Variants in HPN observed in about 807,000 individuals in gnomAD.
The protein encoded by HPN is serine protease hepsin.
A neutral mutation model predicts 55.9 loss-of-function variants in HPN; 13 were observed. The ratio of observed to expected loss-of-function variants is 0.23; its 90% CI spans 0.15 to 0.37. The LOEUF (loss-of-function observed/expected upper bound fraction) is 0.37. Ranked by LOEUF, HPN falls within the 10% of genes least tolerant of loss-of-function variation. The probability of loss-of-function intolerance (pLI) is 1.00; values close to 1 mark genes in which losing one functional copy is unlikely to be tolerated. For missense variants in HPN, 451 were observed against 575.8 expected, an observed-to-expected ratio of 0.78 and a Z score of 2.22; for synonymous variants, 225 against 240.3, an observed-to-expected ratio of 0.94 and a Z score of 0.59.
chr19:35,054,651 C>T (rs1328925663), intron 4 of HPN, among the ~76,000 whole-genome samples: 6 of 152,150 alleles, frequency 3.9e-5, no homozygotes, highest in African/African-American at 1.4e-4. Context: ...GACCTGATTT[C>T]GAATCCTCTC....
chr19:35,057,276 A>G lies in HPN; in HGVS notation c.161-2397A>G, dbSNP rs146846219. On this transcript the variant is annotated intron_variant, in intron 4 of 12. Coordinates refer to ENST00000672452, the MANE Select transcript of HPN (RefSeq NM_001384133.1). The stretch of plus-strand genomic sequence containing the variant: ...CCCGTGTCTACTAAAAATACAAAAA[A>G]TTAGCCAAGTGTGGTGGCATGTGTC... Among the ~76,000 whole-genome samples the G allele has an allele frequency of 4.6e-3, 694 of 152,158 alleles. 27 individuals are homozygous for G. In the South Asian group the frequency reaches 0.11, roughly 24 times the overall value.
chr19:35,046,471 C>CT (rs2064343416), intron 2 of HPN, among the ~76,000 whole-genome samples: 1 of 152,138 alleles, frequency 6.6e-6, no homozygotes, highest in Admixed American at 6.5e-5. Context: ...TCTTGAGCTC[C>CT]TGACCTCAAG....
chr19:35,052,934 C>A lies in HPN; in HGVS notation c.160+3418C>A, dbSNP rs182182835. The stretch of plus-strand genomic sequence containing the variant: ...CCCGGCTCTGGCCAGCACCACGCCG[C>A]CACCCTGCAGAGGTATTTGGGTTTT... On this transcript the variant is annotated intron_variant, in intron 4 of 12. Coordinates refer to ENST00000672452, the MANE Select transcript of HPN (RefSeq NM_001384133.1). Among the ~76,000 whole-genome samples the A allele has an allele frequency of 1.9e-3, 283 of 152,312 alleles. 1 individual carries two copies. The highest frequency in any genetic ancestry group is 5.6e-3 in the African/African-American group (232 of 41,564).
Position 35,060,626 on chromosome 19 carries a change from G to A in HPN, c.621-1G>A. On this transcript the variant is annotated splice_acceptor_variant, in intron 8 of 12. Transcript: ENST00000672452. LOFTEE classifies it high-confidence loss of function. ...CCACCCTCCACCCCTTTCCCTGGTA[G>A]GCGGAACCGGGTCCTGTCCCGATGG... 1 of 1,613,736 alleles carries A rather than the reference G, an allele frequency of 6.2e-7. No homozygotes were observed. The highest frequency in any genetic ancestry group is 8.5e-7 in the Non-Finnish European group (1 of 1,180,038).
chr19:35,043,427 G>A (rs1304156620), intron 2 of HPN, among the ~76,000 whole-genome samples: 1 of 152,190 alleles, frequency 6.6e-6, no homozygotes, highest in Admixed American at 6.5e-5. Flanking sequence ...AACCAGGATA[G>A]CCGGGCTCAG....
At chr19:35,052,216 A>G (rs1488212762) in intron 4 of HPN, among the ~76,000 whole-genome samples, 1 of 152,140 alleles carries the variant, frequency 6.6e-6, no homozygotes, top group African/African-American at 2.4e-5. Context: ...CAGTGGGAAT[A>G]AGAGGAGATA....
chr19:35,041,532 C>A, upstream of HPN: 1 of 667,648 alleles, frequency 1.5e-6, no homozygotes, highest in Non-Finnish European at 1.9e-6. Context: ...TGTCCCTGTT[C>A]CCACATCCCC....
rs774863274 is a variant in HPN, at chr19:35,065,722, C to T, written c.1050+41C>T. On this transcript the variant is annotated intron_variant, in intron 11 of 12. Transcript: ENST00000672452. ...GGGGCAGCCCCCTGGTCGCTGCCAC[C>T]CCAGGGATGGAGATGCAGGGGAGTG... 3 of 1,611,770 alleles carry T rather than the reference C, an allele frequency of 1.9e-6. No homozygotes were observed. In the African/African-American group the frequency reaches 4.0e-5, roughly 21 times the overall value.
At chr19:35,053,749 C>A (rs2064427515) in intron 4 of HPN, among the ~76,000 whole-genome samples, 1 of 152,042 alleles carries the variant, frequency 6.6e-6, no homozygotes, top group Admixed American at 6.6e-5. Flanking sequence ...CATCTCAAAA[C>A]AAACTTAAAA....
intron 9 of HPN, among the ~76,000 whole-genome samples, chr19:35,061,886 C>A (rs753686878): frequency 6.6e-6 from 1 of 151,970 alleles, no homozygotes; most frequent in Admixed American, 6.6e-5. Flanking sequence ...GGCAACATAG[C>A]AAGACCCCAT....
intron 4 of HPN, among the ~76,000 whole-genome samples, chr19:35,055,289 T>C (rs972945476): frequency 6.6e-6 from 1 of 151,896 alleles, no homozygotes; most frequent in Non-Finnish European, 1.5e-5. Flanking sequence ...CCTAGCTACT[T>C]GGGAGGTTGA....
chr19:35,060,678 G>C lies in HPN; in HGVS notation c.672G>C (p.Gln224His), dbSNP rs2064520605. ...RWRVFAGAVA[Q>H]ASPHGLQLGV... ...GAGTGTTTGCCGGTGCCGTGGCCCA[G>C]GCCTCTCCCCACGGTCTGCAGCTGG... is the stretch of plus-strand genomic sequence containing the variant. Residue 224 changes from glutamine to histidine, a missense_variant, in exon 9 of 13, where the codon CAG (glutamine) becomes CAC (histidine). Around this residue, in one of 2 missense-constraint regions of HPN, gnomAD observed 378 missense variants for 445.5 expected, o/e 0.85. Transcript: ENST00000672452. 1.2e-6 allele frequency: 2 copies of C among 1,614,184 alleles called. No homozygotes were observed. Among genetic ancestry groups the C allele is most frequent in the African/African-American group, 2.7e-5 (2 of 75,080 alleles).
chr19:35,062,901 C>T (rs113608801), intron 9 of HPN, among the ~76,000 whole-genome samples: 1 of 5,590 alleles, frequency 1.8e-4, no homozygotes, highest in African/African-American at 2.3e-4. Flanking sequence ...ATAATAATAA[C>T]GGTGATAATG....
chr19:35,054,657 C>T (rs553171805), intron 4 of HPN, among the ~76,000 whole-genome samples: 11 of 152,268 alleles, frequency 7.2e-5, no homozygotes, highest in Middle Eastern at 3.4e-3. Context: ...ATTTCGAATC[C>T]TCTCTCCCTG....
intron 4 of HPN, among the ~76,000 whole-genome samples, chr19:35,050,045 G>C (rs1279032165): frequency 6.6e-6 from 1 of 152,056 alleles, no homozygotes; most frequent in Non-Finnish European, 1.5e-5. Context: ...CTTACTGCGT[G>C]GCATGGTGAA....
intron 4 of HPN, among the ~76,000 whole-genome samples, chr19:35,055,170 G>A (rs1009433670): frequency 5.3e-5 from 8 of 152,066 alleles, no homozygotes; most frequent in African/African-American, 1.2e-4. Context: ...TTTAAAAGGC[G>A]TTTTTAGCTC....
intron 9 of HPN, among the ~76,000 whole-genome samples, chr19:35,061,860 G>A (rs2064537795): frequency 6.6e-6 from 1 of 152,080 alleles, no homozygotes; most frequent in African/African-American, 2.4e-5. Context: ...GTGCTCAGGA[G>A]TTTAAGACCA....
chr19:35,056,922 T>G (rs763198880), intron 4 of HPN, among the ~76,000 whole-genome samples: 11 of 152,200 alleles, frequency 7.2e-5, no homozygotes, highest in Non-Finnish European at 1.6e-4. Flanking sequence ...CTTTCCCTCT[T>G]CTTTTCTTTC....
At chr19:35,060,107 T>A (rs765920131) in intron 6 of HPN, 22 bp from the exon 7 acceptor site, 1 of 1,614,144 alleles carries the variant, frequency 6.2e-7, no homozygotes, top group Admixed American at 1.7e-5. Flanking sequence ...TCTTTCTGTG[T>A]CTCCAATCCC....
Sources: gnomAD v4.1 joint callset for allele counts (sites outside exome capture counted in the v4.1 genomes callset) on GRCh38, gnomAD v4.1.1 for gene constraint, gnomAD v4.1.1 regional missense constraint, MANE v1.5 for transcripts, NCBI Gene and HGNC (gene_info 2026-07-23, HGNC 2026-07-21) for gene names.